Variants in CFAP47 observed in about 807,000 individuals in gnomAD.
CFAP47 encodes cilia- and flagella-associated protein 47.
A neutral mutation model predicts 148.1 loss-of-function variants in CFAP47; 29 were observed. The observed-to-expected ratio is 0.20, with a 90% CI of 0.15 to 0.27. The LOEUF (loss-of-function observed/expected upper bound fraction) is 0.27, where lower values mean the gene tolerates loss of function less well. Among genes scored for constraint, CFAP47 ranks in the 10% least tolerant of loss-of-function variants. The probability of loss-of-function intolerance (pLI) is 1.00; values close to 1 mark genes in which losing one functional copy is unlikely to be tolerated. For missense variants in CFAP47, 1,872 were observed against 1,697.5 expected (o/e 1.10, Z -1.81); for synonymous variants, 664 against 577.3 (o/e 1.15, Z -2.15).
intron 45 of CFAP47, among the ~76,000 whole-genome samples, chrX:36,225,360 G>T (rs1191438380): frequency 8.9e-6 from 1 of 112,045 alleles, no homozygotes; most frequent in Non-Finnish European, 1.9e-5. Context: ...TTTGAATTTA[G>T]AATTTTTGGA....
chrX:36,071,248 C>T (rs747079378), intron 27 of CFAP47, among the ~76,000 whole-genome samples: 7 of 112,278 alleles, frequency 6.2e-5, no homozygotes, highest in Non-Finnish European at 1.3e-4. Context: ...TAGGTCACAC[C>T]TACTGGCTTT....
rs186931829 is a variant in CFAP47 at position 36,042,719 on chromosome X, C to T, written c.4007+3540C>T. Among the ~76,000 whole-genome samples, 83 of 111,256 alleles carry T rather than the reference C, an allele frequency of 7.5e-4. 1 individual carries two copies. The East Asian group carries it at 0.014, about 18-fold the overall frequency. Reference sequence around the variant, plus strand: ...ACCGATATTCATGGATTGGAATATTCGATGCTGTAAAAAAAGTTTTCCACA... The same window carrying T: ...ACCGATATTCATGGATTGGAATATTTGATGCTGTAAAAAAAGTTTTCCACA... On this transcript the variant is annotated intron_variant, in intron 25 of 63. Transcript: ENST00000378653.
intron 57 of CFAP47, among the ~76,000 whole-genome samples, chrX:36,345,627 C>T (rs1556016433): frequency 9.0e-6 from 1 of 111,646 alleles, no homozygotes; most frequent in Admixed American, 9.6e-5. Flanking sequence ...ACAACATAAT[C>T]TTTCAAGGGG....
chrX:36,262,878 GT>G (rs1826642803), intron 49 of CFAP47, among the ~76,000 whole-genome samples: 2 of 112,040 alleles, frequency 1.8e-5, no homozygotes, highest in Admixed American at 1.9e-4. Flanking sequence ...AGCAGCATTT[GT>G]TATTGCCTGC....
chrX:35,940,854 C>T (rs1318351887), intron 2 of CFAP47, among the ~76,000 whole-genome samples: 1 of 111,489 alleles, frequency 9.0e-6, no homozygotes, highest in African/African-American at 3.3e-5. Flanking sequence ...CTTGTAGGAA[C>T]ACATGCTACA....
At chrX:36,362,583 G>A (rs907121518) in intron 61 of CFAP47, among the ~76,000 whole-genome samples, 13 of 106,641 alleles carry the variant, frequency 1.2e-4, no homozygotes, top group Non-Finnish European at 2.3e-4. Context: ...ATCCACCATT[G>A]ATGGCCACCT....
intron 36 of CFAP47, among the ~76,000 whole-genome samples, chrX:36,146,885 G>A (rs961096677): frequency 3.1e-4 from 33 of 107,474 alleles, no homozygotes; most frequent in Admixed American, 3.0e-3. Flanking sequence ...AGGTTCAAGC[G>A]ATTCTCCTGC....
chrX:35,985,344 A>G (rs1947350232), intron 15 of CFAP47, among the ~76,000 whole-genome samples: 1 of 110,938 alleles, frequency 9.0e-6, no homozygotes, highest in Non-Finnish European at 1.9e-5. Flanking sequence ...ATGCACTTGT[A>G]CTAGCAGTGG....
chrX:36,365,598 C>T (rs181138241), intron 61 of CFAP47: 1 of 110,171 alleles, frequency 9.1e-6, no homozygotes, highest in East Asian at 2.9e-4. Context: ...AGACTAGTAC[C>T]CAATAGTTAT....
At chrX:36,246,661 A>T (rs1350462617) in intron 48 of CFAP47, among the ~76,000 whole-genome samples, 1 of 111,110 alleles carries the variant, frequency 9.0e-6, no homozygotes, top group Non-Finnish European at 1.9e-5. Context: ...ATACGTGGGG[A>T]TTATGGGGAT....
intron 22 of CFAP47, among the ~76,000 whole-genome samples, chrX:36,018,371 C>T (rs755502045): frequency 1.3e-4 from 15 of 111,926 alleles, no homozygotes; most frequent in African/African-American, 4.2e-4. Context: ...TTTGATTGCT[C>T]TGGCTAGGAT....
chrX:36,071,419 G>A lies in CFAP47; in HGVS notation c.4319-406G>A, dbSNP rs146504941. ...GTTATTACAGAGAGTTAACTAGGAAGATATTAGTTTTTCTGGTGACTCTTT... is the reference window on the plus strand; with the variant it reads ...GTTATTACAGAGAGTTAACTAGGAAAATATTAGTTTTTCTGGTGACTCTTT... On this transcript the variant is annotated intron_variant, in intron 27 of 63. Transcript: ENST00000378653. Among the ~76,000 whole-genome samples the A allele has an allele frequency of 5.9e-3, 658 of 112,299 alleles. 8 individuals carry two copies. Among genetic ancestry groups the A allele is most frequent in the African/African-American group, 0.021 (639 of 30,972 alleles).
At chrX:36,158,210 C>A (rs1939391365) in intron 37 of CFAP47, among the ~76,000 whole-genome samples, 1 of 111,891 alleles carries the variant, frequency 8.9e-6, no homozygotes, top group Non-Finnish European at 1.9e-5. Context: ...TATGTGCATT[C>A]TAAGCGAAGA....
chrX:36,027,628 G>T (rs960099201), intron 22 of CFAP47, among the ~76,000 whole-genome samples: 2 of 110,927 alleles, frequency 1.8e-5, no homozygotes, highest in Non-Finnish European at 3.8e-5. Flanking sequence ...AACATGTGCA[G>T]GTGTCTTTCT....
At chrX:36,204,850 A>G (rs1288214600) in intron 44 of CFAP47, 107 bp from the exon 45 acceptor site, 1 of 289,759 alleles carries the variant, frequency 3.5e-6, no homozygotes, top group Non-Finnish European at 6.0e-6. Flanking sequence ...TCAATCCTTG[A>G]TGGATTTTTT....
chrX:36,242,096 C>T (rs1167055551), intron 48 of CFAP47, among the ~76,000 whole-genome samples: 1 of 112,152 alleles, frequency 8.9e-6, no homozygotes, highest in African/African-American at 3.2e-5. Context: ...TAACATACAC[C>T]CCTGTGAAAC....
chrX:36,184,219 A>C (rs1187446822), intron 40 of CFAP47, among the ~76,000 whole-genome samples: 3 of 111,967 alleles, frequency 2.7e-5, no homozygotes, highest in Non-Finnish European at 5.6e-5. Flanking sequence ...TTTTAAAAAA[A>C]GTATTTTGGT....
chrX:36,376,812 C>G (rs146251806), intron 62 of CFAP47, among the ~76,000 whole-genome samples: 2,690 of 93,223 alleles, frequency 0.029, 120 homozygotes, highest in African/African-American at 0.1. Context: ...GTGTGATGTT[C>G]CCCTTCCTGT....
In CFAP47 at chrX:36,385,204, G is replaced by A; in HGVS notation, c.*198G>A. 1 of 370,648 alleles carries A rather than the reference G, an allele frequency of 2.7e-6. No homozygotes were observed. Among genetic ancestry groups the A allele is most frequent in the East Asian group, 4.5e-5 (1 of 22,223 alleles). The allele number at this position is 370,648 out of a possible 1,213,427, so 30.5% of individuals were successfully genotyped here. On this transcript the variant is annotated 3_prime_UTR_variant, in exon 64 of 64. Transcript: ENST00000378653. ...GAATGTTTTTTGGTTGCGAACATTG[G>A]AATTGGTTCACTTTTAAAGTGCAGG...
Sources: gnomAD v4.1 joint callset for allele counts (sites outside exome capture counted in the v4.1 genomes callset) on GRCh38, gnomAD v4.1.1 for gene constraint, MANE v1.5 for transcripts, NCBI Gene and HGNC (gene_info 2026-07-23, HGNC 2026-07-21) for gene names.